The following GALNTL6 variants were observed in gnomAD, a reference collection of about 807,000 sequenced individuals.
GALNTL6 encodes polypeptide N-acetylgalactosaminyltransferase like 6.
GALNTL6 carries 46 observed loss-of-function variants against 73.7 expected under a neutral mutation model. The ratio of observed to expected loss-of-function variants is 0.62; its 90% CI spans 0.49 to 0.80. The LOEUF (loss-of-function observed/expected upper bound fraction) is 0.80, where lower values mean the gene tolerates loss of function less well. GALNTL6 is among the 30% of genes least tolerant of loss of function. The pLI, the probability that GALNTL6 is intolerant of heterozygous loss-of-function variation, is 0.00. For synonymous variants in GALNTL6, 259 were observed against 263.7 expected, an observed-to-expected ratio of 0.98 and a Z score of 0.17; for missense variants, 604 against 755.0, an observed-to-expected ratio of 0.80 and a Z score of 2.34.
chr4:172,540,963 G>T (rs1334793850), intron 5 of GALNTL6, among the ~76,000 whole-genome samples: 1 of 152,164 alleles, frequency 6.6e-6, no homozygotes, highest in Non-Finnish European at 1.5e-5. Context: ...GCCTAGAAAC[G>T]GAAGGCCTGG....
intron 5 of GALNTL6, among the ~76,000 whole-genome samples, chr4:172,370,243 T>C (rs1579003314): frequency 6.6e-6 from 1 of 152,232 alleles, no homozygotes; most frequent in South Asian, 2.1e-4. Flanking sequence ...TTGTAAGACC[T>C]TCTGTATGTA....
chr4:172,275,420 T>TA (rs2111066864), intron 3 of GALNTL6, among the ~76,000 whole-genome samples: 1 of 152,306 alleles, frequency 6.6e-6, no homozygotes, highest in Non-Finnish European at 1.5e-5. Context: ...TTCATTCACT[T>TA]ATTAACTGGG....
At position 172,970,295 on chromosome 4, in the gene GALNTL6, C is replaced by A. The variant is rs529003872; in HGVS notation, c.1371+18037C>A. On this transcript the variant is annotated intron_variant, in intron 10 of 12. Transcript: ENST00000506823. ...GAAAACAGGGTTCGAGAGCAGAGAA[C>A]CAGTCTGACCTCAAATTCACCAGGG... 2.0e-5 allele frequency among the ~76,000 whole-genome samples: 3 copies of A among 152,280 alleles called. No homozygotes were observed. In the South Asian group the frequency reaches 6.2e-4, roughly 32 times the overall value.
intron 5 of GALNTL6, among the ~76,000 whole-genome samples, chr4:172,653,517 G>C (rs1016270352): frequency 6.6e-6 from 1 of 151,932 alleles, no homozygotes; most frequent in African/African-American, 2.4e-5. Context: ...CACTGTGTCC[G>C]GCCTTATTCT....
At position 172,417,621 on chromosome 4, in the gene GALNTL6, C is replaced by G. The variant is rs574537438; in HGVS notation, c.553+68932C>G. 7.9e-5 allele frequency among the ~76,000 whole-genome samples: 12 copies of G among 152,020 alleles called. No individual in the cohort carries two copies. In the South Asian group the frequency reaches 2.5e-3, roughly 32 times the overall value. On this transcript the variant is annotated intron_variant, in intron 5 of 12. Coordinates refer to ENST00000506823, the MANE Select transcript of GALNTL6 (RefSeq NM_001034845.3). ...CCGAGATTTTGCCACTGCACTCCAG[C>G]CTGGGTGGCAGAGTGAGACCCTGTC...
chr4:171,950,296 G>C (rs1386766784), intron 2 of GALNTL6, among the ~76,000 whole-genome samples: 1 of 152,088 alleles, frequency 6.6e-6, no homozygotes, highest in Non-Finnish European at 1.5e-5. Flanking sequence ...AATGTACTTA[G>C]GGTAATAGGG....
intron 2 of GALNTL6, among the ~76,000 whole-genome samples, chr4:172,057,725 A>T (rs1340268513): frequency 0.11 from 6,537 of 60,376 alleles, 170 homozygotes; most frequent in Non-Finnish European, 0.13. Flanking sequence ...AAAAAAAAAA[A>T]AAATATATAT....
intron 9 of GALNTL6, among the ~76,000 whole-genome samples, chr4:172,936,654 G>A (rs755504149): frequency 5.9e-5 from 9 of 152,066 alleles, no homozygotes; most frequent in East Asian, 1.9e-4. Flanking sequence ...GTGAGTGAAC[G>A]CCCATTCACA....
At chr4:172,430,295 T>C (rs770207202) in intron 5 of GALNTL6, among the ~76,000 whole-genome samples, 8 of 151,808 alleles carry the variant, frequency 5.3e-5, no homozygotes, top group Non-Finnish European at 1.0e-4. Flanking sequence ...GGAAGAGAGA[T>C]AGAGAGACAG....
intron 7 of GALNTL6, among the ~76,000 whole-genome samples, chr4:172,865,022 T>A (rs919520909): frequency 6.6e-6 from 1 of 152,174 alleles, no homozygotes; most frequent in Non-Finnish European, 1.5e-5. Flanking sequence ...GTTATCTTCC[T>A]AGAAAAAAAA....
At chr4:172,850,531 C>G (rs191980221) in intron 7 of GALNTL6, among the ~76,000 whole-genome samples, 2 of 152,116 alleles carry the variant, frequency 1.3e-5, no homozygotes, top group Non-Finnish European at 2.9e-5. Context: ...CTAAAATATA[C>G]GGGAATTTCT....
chr4:172,869,677 A>G (rs1744826364), intron 7 of GALNTL6, among the ~76,000 whole-genome samples: 1 of 152,270 alleles, frequency 6.6e-6, no homozygotes, highest in South Asian at 2.1e-4. Context: ...AGAAAAGACT[A>G]TAGTATATTT....
At chr4:172,715,303 A>T (rs969125401) in intron 5 of GALNTL6, among the ~76,000 whole-genome samples, 2 of 152,188 alleles carry the variant, frequency 1.3e-5, no homozygotes, top group African/African-American at 2.4e-5. Context: ...CACACACACA[A>T]GTATGTGTGG....
intron 10 of GALNTL6, among the ~76,000 whole-genome samples, chr4:172,959,286 G>A (rs1156765471): frequency 6.6e-6 from 1 of 152,014 alleles, no homozygotes; most frequent in African/African-American, 2.4e-5. Context: ...AATGAGGTGT[G>A]GCTATAGCCC....
At chr4:171,888,377 TTCTC>T (rs895955644) in intron 2 of GALNTL6, among the ~76,000 whole-genome samples, 1 of 150,740 alleles carries the variant, frequency 6.6e-6, no homozygotes, top group African/African-American at 2.4e-5. Flanking sequence ...AAAACTATGT[TTCTC>T]TCCACCTTTT....
At chr4:172,095,441 T>C (rs1732323867) in intron 2 of GALNTL6, among the ~76,000 whole-genome samples, 2 of 152,250 alleles carry the variant, frequency 1.3e-5, no homozygotes, top group African/African-American at 4.8e-5. Context: ...AGCTGTGCTA[T>C]GGGCAGAAAA....
chr4:172,399,457 C>T (rs114074184), intron 5 of GALNTL6, among the ~76,000 whole-genome samples: 2,512 of 151,106 alleles, frequency 0.017, 62 homozygotes, highest in African/African-American at 0.057. Flanking sequence ...TCTGAATTAT[C>T]AAGAATTTTT....
intron 5 of GALNTL6, among the ~76,000 whole-genome samples, chr4:172,730,234 C>T (rs994069507): frequency 6.6e-6 from 1 of 151,996 alleles, no homozygotes; most frequent in African/African-American, 2.4e-5. Flanking sequence ...TTTCTCTTTC[C>T]CAATTGTTCT....
At chr4:172,442,766 CA>C (rs1481363325) in intron 5 of GALNTL6, among the ~76,000 whole-genome samples, 3 of 152,076 alleles carry the variant, frequency 2.0e-5, no homozygotes, top group Non-Finnish European at 4.4e-5. Context: ...ATGCAAATAT[CA>C]GTATGATGTG....
Sources: allele counts gnomAD v4.1 joint callset (sites outside exome capture counted in the v4.1 genomes callset), GRCh38; gene constraint gnomAD v4.1.1; transcripts MANE v1.5; gene names NCBI Gene and HGNC (gene_info 2026-07-23, HGNC 2026-07-21).